SYN3: variants seen among roughly 807,000 people sequenced by gnomAD.
SYN3 encodes synapsin-3.
A neutral mutation model predicts 65.8 loss-of-function variants in SYN3; 35 were observed. The ratio of observed to expected loss-of-function variants is 0.53; its 90% CI spans 0.41 to 0.70. The LOEUF is 0.70. SYN3 is among the 30% of genes least tolerant of loss of function. The pLI is 0.00. For missense variants in SYN3, 680 were observed against 749.0 expected (o/e 0.91, Z 1.08); for synonymous variants, 270 against 292.9 (o/e 0.92, Z 0.80).
intron 6 of SYN3, among the ~76,000 whole-genome samples, chr22:32,739,105 A>T (rs923962889): frequency 7.3e-5 from 11 of 151,622 alleles, no homozygotes; most frequent in African/African-American, 2.7e-4. Flanking sequence ...TCCAAATGTC[A>T]TCTTGAATTA....
At chr22:32,758,762 T>C (rs1304501326) in intron 6 of SYN3, among the ~76,000 whole-genome samples, 1 of 143,488 alleles carries the variant, frequency 7.0e-6, no homozygotes, top group Non-Finnish European at 1.5e-5. Flanking sequence ...ATACTTTGTG[T>C]TTGAATTTAA....
In SYN3 at chr22:32,868,719, G is replaced by A. The variant is rs145064260; in HGVS notation, c.621+247C>T. Among the ~76,000 whole-genome samples the A allele has an allele frequency of 7.9e-3, 1,203 of 152,132 alleles. 19 individuals are homozygous for A. Among genetic ancestry groups the A allele is most frequent in the African/African-American group, 0.028 (1,152 of 41,482 alleles). ...GCCTGTCTTGGCCTCCCAAAGTGCT[G>A]GGATTACAGGCATAAGCCACCGTGC... On this transcript the variant is annotated intron_variant, in intron 5 of 13. Transcript: ENST00000358763.
At position 32,936,776 on chromosome 22, in the gene SYN3, C is replaced by T. The variant is rs983264374; in HGVS notation, c.370-5295G>A. Among the ~76,000 whole-genome samples, 21 of 152,282 alleles carry T rather than the reference C, an allele frequency of 1.4e-4. No homozygotes were observed. In the South Asian group the frequency reaches 2.9e-3, roughly 21 times the overall value. On this transcript the variant is annotated intron_variant, in intron 3 of 13. Coordinates refer to ENST00000358763, the MANE Select transcript of SYN3 (RefSeq NM_003490.4). ...TGGATCTAGGACGACCAGTTTGTCC[C>T]GGTTTGCCTTGGGCTTTCTCAGCTT...
chr22:33,051,640 G>A (rs1365801747), intron 1 of SYN3, among the ~76,000 whole-genome samples: 1 of 151,772 alleles, frequency 6.6e-6, no homozygotes, highest in Non-Finnish European at 1.5e-5. Context: ...GCCCCAGCCT[G>A]GGACACCTAG....
chr22:32,877,534 C>T (rs1486305440), intron 4 of SYN3, among the ~76,000 whole-genome samples: 1 of 152,174 alleles, frequency 6.6e-6, no homozygotes, highest in Non-Finnish European at 1.5e-5. Flanking sequence ...TCTCTGGCCT[C>T]TACCCACTAG....
chr22:32,765,605 G>C (rs1175855345), intron 6 of SYN3, among the ~76,000 whole-genome samples: 1 of 152,150 alleles, frequency 6.6e-6, no homozygotes, highest in Non-Finnish European at 1.5e-5. Context: ...AGGAGGGTTC[G>C]CCACAAACGG....
At chr22:33,019,724 A>G (rs932403625) in intron 1 of SYN3, among the ~76,000 whole-genome samples, 19 of 152,278 alleles carry the variant, frequency 1.2e-4, no homozygotes, top group African/African-American at 4.3e-4. Context: ...GGCTCACTGC[A>G]TCCTCCCGCC....
rs1271368669 is a variant in SYN3, at chr22:32,508,161, AAAG to A, written c.*5528_*5530del. On this transcript the variant is annotated 3_prime_UTR_variant, in exon 14 of 14. Transcript: ENST00000358763. ...GGCCTGAAGTAACTGAAGAATCACA[AAAG>A]AAGTGAAAAGGCCCTGCCCCGCCTT... 3.3e-5 allele frequency among the ~76,000 whole-genome samples: 5 copies of A among 152,124 alleles called. No individual in the cohort carries two copies. The highest frequency in any genetic ancestry group is 4.4e-5 in the Non-Finnish European group (3 of 68,018).
At chr22:32,883,625 T>C (rs2049205567) in intron 4 of SYN3, among the ~76,000 whole-genome samples, 1 of 152,238 alleles carries the variant, frequency 6.6e-6, no homozygotes, top group Non-Finnish European at 1.5e-5. Flanking sequence ...TTTTAGAAGC[T>C]TTCTAAGTAA....
intron 6 of SYN3, among the ~76,000 whole-genome samples, chr22:32,735,998 G>T (rs1335250578): frequency 6.6e-6 from 1 of 152,160 alleles, no homozygotes; most frequent in Non-Finnish European, 1.5e-5. Flanking sequence ...GAGAGGAGGG[G>T]GCCATGCCTG....
At chr22:32,983,505 C>T (rs2052430651) in intron 2 of SYN3, among the ~76,000 whole-genome samples, 1 of 152,196 alleles carries the variant, frequency 6.6e-6, no homozygotes, top group African/African-American at 2.4e-5. Flanking sequence ...AACTGACTGA[C>T]AGCTCTGATA....
intron 13 of SYN3, among the ~76,000 whole-genome samples, chr22:32,517,427 G>C (rs941699488): frequency 1.3e-4 from 20 of 152,294 alleles, no homozygotes; most frequent in African/African-American, 4.8e-4. Context: ...GGACCATCCA[G>C]CCTCAGTGAA....
chr22:32,806,550 AG>A (rs1327060662), intron 6 of SYN3, among the ~76,000 whole-genome samples: 1 of 152,154 alleles, frequency 6.6e-6, no homozygotes, highest in African/African-American at 2.4e-5. Context: ...GGCAATGGGG[AG>A]GGCAGATCTG....
chr22:32,917,470 C>T (rs1382928178), intron 4 of SYN3, among the ~76,000 whole-genome samples: 3 of 152,166 alleles, frequency 2.0e-5, no homozygotes, highest in Non-Finnish European at 4.4e-5. Context: ...AAGGTGATTG[C>T]TTCTGAATGA....
intron 6 of SYN3, among the ~76,000 whole-genome samples, chr22:32,820,601 T>G: frequency 6.6e-6 from 1 of 152,186 alleles, no homozygotes; most frequent in Non-Finnish European, 1.5e-5. Context: ...AGTTGGCACA[T>G]CTTGCTTCTG....
intron 1 of SYN3, among the ~76,000 whole-genome samples, chr22:33,051,212 G>A (rs985512109): frequency 6.6e-6 from 1 of 152,136 alleles, no homozygotes; most frequent in Non-Finnish European, 1.5e-5. Flanking sequence ...AAGACACAAA[G>A]ATAACCCTTT....
At chr22:32,896,391 G>A (rs932046367) in intron 4 of SYN3, among the ~76,000 whole-genome samples, 2 of 152,186 alleles carry the variant, frequency 1.3e-5, no homozygotes, top group Middle Eastern at 3.2e-3. Flanking sequence ...AGGTGGCAGA[G>A]GCTGCAGTGA....
intron 3 of SYN3, among the ~76,000 whole-genome samples, chr22:32,933,567 T>C (rs1273464216): frequency 6.6e-6 from 1 of 152,194 alleles, no homozygotes; most frequent in African/African-American, 2.4e-5. Flanking sequence ...TAGCTGGGAT[T>C]ACAGGTATCT....
At chr22:32,642,776 T>A (rs1046292060) in intron 6 of SYN3, among the ~76,000 whole-genome samples, 12 of 152,106 alleles carry the variant, frequency 7.9e-5, no homozygotes, top group African/African-American at 2.9e-4. Context: ...CCAGGCTGTC[T>A]CGAACTCCTA....
Sources: gnomAD v4.1 joint callset for allele counts (sites outside exome capture counted in the v4.1 genomes callset) on GRCh38, gnomAD v4.1.1 for gene constraint, MANE v1.5 for transcripts, NCBI Gene and HGNC (gene_info 2026-07-23, HGNC 2026-07-21) for gene names.